The following RIMS2 variants were observed in gnomAD, a reference collection of about 807,000 sequenced individuals.
RIMS2 encodes the protein regulating synaptic membrane exocytosis 2.
Under a neutral mutation model 174.4 loss-of-function variants are expected in RIMS2, and 59 were observed. The observed-to-expected ratio is 0.34, with a 90% CI of 0.27 to 0.42. The LOEUF is 0.42. RIMS2 is among the 10% of genes least tolerant of loss of function. The probability of loss-of-function intolerance (pLI) is 1.00; values close to 1 mark genes in which losing one functional copy is unlikely to be tolerated. For missense variants in RIMS2, 1,620 were observed against 1,666.3 expected (o/e 0.97, Z 0.48); for synonymous variants, 606 against 572.5 (o/e 1.06, Z -0.84).
At chr8:103,910,121 C>G in intron 4 of RIMS2, 200 bp from the exon 8 acceptor site, 1 of 1,578,896 alleles carries the variant, frequency 6.3e-7, no homozygotes, top group South Asian at 1.1e-5. Flanking sequence ...ACTCTTTTGT[C>G]TGACTCTCAC....
intron 1 of RIMS2, among the ~76,000 whole-genome samples, chr8:103,585,700 G>A (rs1417031068): frequency 6.6e-6 from 1 of 151,982 alleles, no homozygotes; most frequent in Non-Finnish European, 1.5e-5. Flanking sequence ...AACACAGTGA[G>A]GGGAACGTCA....
intron 2 of RIMS2, among the ~76,000 whole-genome samples, chr8:103,722,815 TG>T (rs924761534): frequency 1.3e-5 from 2 of 152,228 alleles, no homozygotes; most frequent in African/African-American, 4.8e-5. Flanking sequence ...AGGACAGAGC[TG>T]GGAGAGAACT....
chr8:103,586,507 A>G (rs1315232539), intron 1 of RIMS2, among the ~76,000 whole-genome samples: 1 of 152,176 alleles, frequency 6.6e-6, no homozygotes, highest in African/African-American at 2.4e-5. Context: ...CAGTGAGTCA[A>G]TGAAGAAATT....
intron 19 of RIMS2, among the ~76,000 whole-genome samples, chr8:104,158,737 A>G (rs922072323): frequency 7.2e-5 from 11 of 151,832 alleles, no homozygotes; most frequent in Non-Finnish European, 2.9e-5. Flanking sequence ...CCACTTTCTG[A>G]TGGGGTTGTT....
chr8:103,938,444 G>A (rs2154536486), intron 13 of RIMS2, among the ~76,000 whole-genome samples: 1 of 151,904 alleles, frequency 6.6e-6, no homozygotes, highest in African/African-American at 2.4e-5. Flanking sequence ...GCATGAGAAA[G>A]ACCCACCCCC....
At chr8:103,898,369 G>T in intron 4 of RIMS2, among the ~76,000 whole-genome samples, 1 of 151,586 alleles carries the variant, frequency 6.6e-6, no homozygotes, top group East Asian at 1.9e-4. Flanking sequence ...AGGGGTATGT[G>T]ATAGTTCTGG....
At chr8:103,884,926 G>GAGA (rs1378165553) in intron 3 of RIMS2, among the ~76,000 whole-genome samples, 2 of 151,846 alleles carry the variant, frequency 1.3e-5, no homozygotes, top group Non-Finnish European at 2.9e-5. Flanking sequence ...GTTAGGTATA[G>GAGA]AGAAGATGGA....
intron 11 of RIMS2, chr8:103,927,987 T>A: frequency 1.2e-6 from 1 of 868,886 alleles, no homozygotes; most frequent in African/African-American, 1.7e-5. Flanking sequence ...TTTTGTTATG[T>A]TGCTCCAAAT....
At chr8:103,919,806 G>T (rs1329762287) in intron 9 of RIMS2, among the ~76,000 whole-genome samples, 1 of 151,800 alleles carries the variant, frequency 6.6e-6, no homozygotes, top group Non-Finnish European at 1.5e-5. Context: ...AGTATCTTTG[G>T]CTACGTGCTA....
chr8:103,958,066 G>T (rs2088186880), intron 14 of RIMS2, among the ~76,000 whole-genome samples: 1 of 152,096 alleles, frequency 6.6e-6, no homozygotes, highest in South Asian at 2.1e-4. Context: ...ATTCCCAGGT[G>T]AATATAAATC....
chr8:103,994,363 A>T (rs2094934005), intron 17 of RIMS2, among the ~76,000 whole-genome samples: 2 of 152,070 alleles, frequency 1.3e-5, no homozygotes, highest in Admixed American at 1.3e-4. Flanking sequence ...AGAATCTATG[A>T]CTTCTTTATT....
At chr8:103,981,883 T>TA (rs2154549302) in intron 16 of RIMS2, among the ~76,000 whole-genome samples, 1 of 152,094 alleles carries the variant, frequency 6.6e-6, no homozygotes, top group East Asian at 1.9e-4. Context: ...CTACAAGATC[T>TA]AAAAAACAGA....
chr8:103,927,178 G>C (rs2078936045), intron 10 of RIMS2, among the ~76,000 whole-genome samples: 1 of 151,506 alleles, frequency 6.6e-6, no homozygotes, highest in Admixed American at 6.6e-5. Flanking sequence ...TTAGCAGTAA[G>C]CAGTGTTATC....
chr8:103,870,269 A>G (rs896950227), intron 3 of RIMS2, among the ~76,000 whole-genome samples: 2 of 151,986 alleles, frequency 1.3e-5, no homozygotes, highest in South Asian at 2.1e-4. Flanking sequence ...AGTACTTCAC[A>G]GGATTATTTT....
chr8:103,539,963 C>T (rs571240487), intron 1 of RIMS2, among the ~76,000 whole-genome samples: 1 of 152,362 alleles, frequency 6.6e-6, no homozygotes, highest in South Asian at 2.1e-4. Flanking sequence ...AGCCACCTAA[C>T]AGAGCAAGAA....
chr8:104,198,425 T>C (rs936134430), intron 19 of RIMS2, among the ~76,000 whole-genome samples: 6 of 152,208 alleles, frequency 3.9e-5, no homozygotes, highest in African/African-American at 1.4e-4. Context: ...TCTTATTCTA[T>C]TATTTTCCTC....
chr8:103,789,749 C>CTTTTTTTTTTTTTT (rs11354049), intron 3 of RIMS2, among the ~76,000 whole-genome samples: 9 of 85,160 alleles, frequency 1.1e-4, no homozygotes, highest in African/African-American at 1.4e-4. Context: ...GGATTGTACT[C>CTTTTTTTTTTTTTT]TTTTTTTTTT....
chr8:104,073,784 C>G (rs1034085939), intron 19 of RIMS2, among the ~76,000 whole-genome samples: 1 of 152,172 alleles, frequency 6.6e-6, no homozygotes, highest in African/African-American at 2.4e-5. Context: ...GCTTTTTCCC[C>G]AGGCTTCTAG....
Position 103,972,584 on chromosome 8 carries a change from C to T in RIMS2, c.2771-2766C>T, listed in dbSNP as rs545967945. Among the ~76,000 whole-genome samples the T allele has an allele frequency of 6.9e-4, 105 of 152,238 alleles. No individual in the cohort carries two copies. The South Asian group carries it at 0.012, about 17-fold the overall frequency. Reference sequence around the variant, plus strand: ...CTTCCCCCTTCCCTCCAAATGTCTCCAATAGCTGTTCTTCATCACTTGCTC... The same window carrying T: ...CTTCCCCCTTCCCTCCAAATGTCTCTAATAGCTGTTCTTCATCACTTGCTC... On this transcript the variant is annotated intron_variant, in intron 15 of 23. Coordinates refer to ENST00000504942, the Ensembl canonical transcript of RIMS2.
Sources: gnomAD v4.1 joint callset for allele counts (sites outside exome capture counted in the v4.1 genomes callset) on GRCh38, gnomAD v4.1.1 for gene constraint, MANE v1.5 for transcripts, NCBI Gene and HGNC (gene_info 2026-07-23, HGNC 2026-07-21) for gene names.